The following VWC2 variants were observed in gnomAD, a reference collection of about 807,000 sequenced individuals.
VWC2 encodes the protein brorin.
VWC2 carries 14 observed loss-of-function variants against 29.8 expected under a neutral mutation model. That is an observed-to-expected ratio of 0.47 (90% CI 0.31 to 0.74). The LOEUF is 0.74. VWC2 is among the 30% of genes least tolerant of loss of function. The pLI is 0.05. For missense variants in VWC2, 457 were observed against 459.8 expected (o/e 0.99, Z 0.05); for synonymous variants, 213 against 199.0 (o/e 1.07, Z -0.59).
intron 2 of VWC2, among the ~76,000 whole-genome samples, chr7:49,799,424 G>A (rs1379472932): frequency 6.6e-6 from 1 of 152,258 alleles, no homozygotes; most frequent in Non-Finnish European, 1.5e-5. Context: ...TGCCCAGGCA[G>A]AACTAGCAGG....
rs953440682 is a variant in VWC2 at position 49,921,775 on chromosome 7, A to G, written c.*9590A>G. The G allele has an allele frequency of 6.6e-5, 10 of 152,218 alleles. No homozygotes were observed. The highest frequency in any genetic ancestry group is 2.4e-4 in the African/African-American group (10 of 41,452). The allele number at this position is 152,218 out of a possible 1,614,324, so 9.4% of individuals were successfully genotyped here. A position where few individuals can be genotyped will look rare whatever the true frequency, so the allele number is the denominator to read the frequency against. ...TTATCCTCATGTTTACATTTAACAC[A>G]TATAATTTATATCTTAGTTTTTATC... On this transcript the variant is annotated 3_prime_UTR_variant, in exon 4 of 4. Coordinates refer to ENST00000340652, the MANE Select transcript of VWC2 (RefSeq NM_198570.5).
At chr7:49,870,230 C>T (rs1170013698) in intron 3 of VWC2, among the ~76,000 whole-genome samples, 1 of 152,092 alleles carries the variant, frequency 6.6e-6, no homozygotes, top group African/African-American at 2.4e-5. Flanking sequence ...GAAACTCCGT[C>T]TCTACTAAAA....
rs200399891 is a variant in VWC2, at chr7:49,921,592, A to C, written c.*9407A>C. On this transcript the variant is annotated 3_prime_UTR_variant, in exon 4 of 4. Transcript: ENST00000340652. ...TATCAACCACTAAGAGGATTAAATGAGTGAATATTTGTAAAACACGTAGCC... is the reference window on the plus strand; with the variant it reads ...TATCAACCACTAAGAGGATTAAATGCGTGAATATTTGTAAAACACGTAGCC... 52 of 152,298 alleles carry C rather than the reference A, an allele frequency of 3.4e-4. No individual in the cohort carries two copies. The East Asian group carries it at 9.6e-3, about 28-fold the overall frequency. 9.4% of individuals were successfully genotyped at this position (152,298 alleles called of 1,614,324 possible).
chr7:49,788,256 A>G (rs1788345450), intron 2 of VWC2, among the ~76,000 whole-genome samples: 1 of 152,192 alleles, frequency 6.6e-6, no homozygotes, highest in Non-Finnish European at 1.5e-5. Context: ...GGCAGTGTCC[A>G]GACGGGCATC....
chr7:49,803,093 G>A (rs979748893), intron 3 of VWC2, among the ~76,000 whole-genome samples: 1 of 152,206 alleles, frequency 6.6e-6, no homozygotes, highest in Non-Finnish European at 1.5e-5. Context: ...TTCCACCTTT[G>A]AGGAGAGTCA....
chr7:49,844,147 C>T (rs544672513), intron 3 of VWC2, among the ~76,000 whole-genome samples: 17 of 152,234 alleles, frequency 1.1e-4, no homozygotes, highest in African/African-American at 3.6e-4. Context: ...GTGTTTGGAC[C>T]GCAACGTGGA....
chr7:49,775,509 C>A lies in VWC2; in HGVS notation c.74C>A (p.Ala25Asp). 1.3e-6 allele frequency: 2 copies of A among 1,570,448 alleles called. No homozygotes were observed. Among genetic ancestry groups the A allele is most frequent in the African/African-American group, 1.4e-5 (1 of 71,176 alleles). Residue 25 changes from alanine (A) to aspartate (D), a missense_variant, in exon 2 of 4, where the codon GCT becomes GAT. Coordinates refer to ENST00000340652, the MANE Select transcript of VWC2 (RefSeq NM_198570.5). ...SLLVTCCLMVALCSPSIPLEK... is the reference protein window; with the variant it reads ...SLLVTCCLMVDLCSPSIPLEK... Reference sequence around the variant, plus strand: ...CTGGTCACCTGCTGCCTGATGGTGGCTCTGTGCAGTCCGAGCATCCCGCTG... The same window carrying A: ...CTGGTCACCTGCTGCCTGATGGTGGATCTGTGCAGTCCGAGCATCCCGCTG...
rs1445831385 is a variant in VWC2, at chr7:49,775,679, C to G, written c.244C>G (p.Arg82Gly). The G allele has an allele frequency of 7.9e-6, 12 of 1,524,582 alleles. No homozygotes were observed. The highest frequency in any genetic ancestry group is 9.7e-6 in the Non-Finnish European group (11 of 1,139,258). The allele number at this position is 1,524,582 out of a possible 1,614,324, so 94.4% of individuals were successfully genotyped here. Residue 82 changes from arginine to glycine, a missense_variant, in exon 2 of 4, where the codon CGT becomes GGT. By Grantham distance (125) the Arg-to-Gly change is moderately radical (BLOSUM62 -2). Coordinates refer to ENST00000340652, the MANE Select transcript of VWC2 (RefSeq NM_198570.5). ...CCGGGACTGGAAGAGCAAGAGCGGC[C>G]GTGGGCTCGCCGGCCGTGAGCCGTG... ...SGRDWKSKSG[R>G]GLAGREPWSK...
At chr7:49,774,792 T>C (rs979923163) in intron 1 of VWC2, among the ~76,000 whole-genome samples, 1 of 152,200 alleles carries the variant, frequency 6.6e-6, no homozygotes, top group Non-Finnish European at 1.5e-5. Flanking sequence ...TAAGAAGTTG[T>C]TAGAAATGAA....
chr7:49,910,549 C>T (rs1793351707), intron 3 of VWC2, among the ~76,000 whole-genome samples: 2 of 151,910 alleles, frequency 1.3e-5, no homozygotes, highest in Admixed American at 6.6e-5. Flanking sequence ...AGAGCAGTTG[C>T]TCATAGCTGA....
intron 3 of VWC2, among the ~76,000 whole-genome samples, chr7:49,879,731 T>G (rs1335148214): frequency 6.7e-6 from 1 of 150,322 alleles, no homozygotes; most frequent in East Asian, 1.9e-4. Context: ...TTGTTTTATT[T>G]CTTTCCATGG....
chr7:49,842,158 G>C (rs139774471), intron 3 of VWC2, among the ~76,000 whole-genome samples: 1 of 152,068 alleles, frequency 6.6e-6, no homozygotes, highest in East Asian at 1.9e-4. Context: ...GTGAGCCACC[G>C]CGCCTGGCCA....
intron 3 of VWC2, among the ~76,000 whole-genome samples, chr7:49,862,587 T>C (rs770368218): frequency 2.6e-5 from 4 of 152,130 alleles, no homozygotes; most frequent in Non-Finnish European, 4.4e-5. Flanking sequence ...GAGTAAAATG[T>C]TAGCTGTAGG....
At chr7:49,903,844 C>G (rs1239133482) in intron 3 of VWC2, among the ~76,000 whole-genome samples, 1 of 152,108 alleles carries the variant, frequency 6.6e-6, no homozygotes, top group African/African-American at 2.4e-5. Flanking sequence ...AGCTCTCTCT[C>G]TAGTGAGAGA....
chr7:49,865,295 A>C (rs1333930509), intron 3 of VWC2, among the ~76,000 whole-genome samples: 1 of 152,218 alleles, frequency 6.6e-6, no homozygotes, highest in Non-Finnish European at 1.5e-5. Context: ...CCTTGGATCA[A>C]GTAATAGATT....
chr7:49,783,179 T>C (rs750860030), intron 2 of VWC2, among the ~76,000 whole-genome samples: 3 of 152,150 alleles, frequency 2.0e-5, no homozygotes, highest in Admixed American at 6.5e-5. Flanking sequence ...TATTCTTACA[T>C]TTATTTGAAA....
intron 3 of VWC2, among the ~76,000 whole-genome samples, chr7:49,803,999 G>A (rs533967483): frequency 6.6e-6 from 1 of 152,254 alleles, no homozygotes; most frequent in South Asian, 2.1e-4. Context: ...TTGTAGCATA[G>A]TACATCCAGT....
chr7:49,883,584 G>A (rs1185129556), intron 3 of VWC2, among the ~76,000 whole-genome samples: 1 of 152,136 alleles, frequency 6.6e-6, no homozygotes, highest in East Asian at 1.9e-4. Context: ...GATTGATGAG[G>A]ACATTAGCTC....
intron 3 of VWC2, among the ~76,000 whole-genome samples, chr7:49,882,488 CTG>C (rs1313355409): frequency 1.3e-5 from 2 of 151,854 alleles, no homozygotes; most frequent in African/African-American, 2.4e-5. Context: ...GGAAGAGAGA[CTG>C]AGACAGATAA....
Sources: gnomAD v4.1 joint callset for allele counts (sites outside exome capture counted in the v4.1 genomes callset) on GRCh38, gnomAD v4.1.1 for gene constraint, MANE v1.5 for transcripts, NCBI Gene and HGNC (gene_info 2026-07-23, HGNC 2026-07-21) for gene names.